The following DLGAP2 variants were observed in gnomAD, a reference collection of about 807,000 sequenced individuals.
The protein encoded by DLGAP2 is disks large-associated protein 2.
In DLGAP2, 26 loss-of-function variants were observed where a neutral mutation model predicts 100.3. The ratio of observed to expected loss-of-function variants is 0.26; its 90% CI spans 0.19 to 0.36. The LOEUF is 0.36. DLGAP2 is among the 10% of genes least tolerant of loss of function. The pLI, the probability that DLGAP2 is intolerant of heterozygous loss-of-function variation, is 1.00. For synonymous variants in DLGAP2, 886 were observed against 630.1 expected (o/e 1.41, Z -6.08); for missense variants, 1,858 against 1,453.2 (o/e 1.28, Z -4.53).
intron 1 of DLGAP2, among the ~76,000 whole-genome samples, chr8:885,118 C>A (rs1334828462): frequency 2.6e-5 from 4 of 152,230 alleles, no homozygotes; most frequent in Non-Finnish European, 5.9e-5. Flanking sequence ...TATATGGGGT[C>A]TTCTTTGATT....
Position 1,033,786 on chromosome 8 carries a change from C to G in DLGAP2, c.73+125820C>G, listed in dbSNP as rs868728087. ...GCGTGTCACCGCGAGTGGGTTCACA[C>G]GCTCATCCCGACCCCGCGTGTCACC... On this transcript the variant is annotated intron_variant, in intron 2 of 14. Transcript: ENST00000637795. 8.7e-3 allele frequency among the ~76,000 whole-genome samples: 1,009 copies of G among 115,640 alleles called. 15 individuals are homozygous for G. Among genetic ancestry groups the G allele is most frequent in the African/African-American group, 0.03 (909 of 29,930 alleles). The allele number at this position is 115,640 out of a possible 152,430, so 75.9% of individuals were successfully genotyped here.
At chr8:1,690,329 C>G (rs1799226059) in intron 12 of DLGAP2, among the ~76,000 whole-genome samples, 1 of 151,634 alleles carries the variant, frequency 6.6e-6, no homozygotes. Flanking sequence ...GCAGTCCAGC[C>G]TAGGTGACAG....
At chr8:831,636 T>C (rs1295310495) in intron 1 of DLGAP2, among the ~76,000 whole-genome samples, 1 of 152,230 alleles carries the variant, frequency 6.6e-6, no homozygotes, top group Non-Finnish European at 1.5e-5. Flanking sequence ...TTGGGTTGGT[T>C]CCAAGTCTTT....
chr8:999,992 C>T (rs1457243935), intron 2 of DLGAP2, among the ~76,000 whole-genome samples: 6 of 145,860 alleles, frequency 4.1e-5, no homozygotes, highest in Middle Eastern at 3.6e-3. Flanking sequence ...TTTTCTTTTG[C>T]ACTGGATTTT....
intron 3 of DLGAP2, among the ~76,000 whole-genome samples, chr8:1,387,428 C>T (rs1053050958): frequency 9.9e-5 from 15 of 152,152 alleles, no homozygotes; most frequent in Non-Finnish European, 1.8e-4. Context: ...GTTTGGCTAC[C>T]TGGAGACACA....
At chr8:1,338,332 G>C (rs1801335202) in intron 3 of DLGAP2, among the ~76,000 whole-genome samples, 1 of 152,226 alleles carries the variant, frequency 6.6e-6, no homozygotes, top group African/African-American at 2.4e-5. Context: ...CCACACGTAT[G>C]ATGGAGCCCA....
chr8:778,800 T>C (rs528557547), intron 1 of DLGAP2, among the ~76,000 whole-genome samples: 45 of 152,330 alleles, frequency 3.0e-4, no homozygotes, highest in South Asian at 1.5e-3. Flanking sequence ...TTTTGTTTGT[T>C]TGTGCCCTGC....
At chr8:1,576,037 C>T (rs1191821776) in intron 6 of DLGAP2, among the ~76,000 whole-genome samples, 1 of 152,150 alleles carries the variant, frequency 6.6e-6, no homozygotes, top group Non-Finnish European at 1.5e-5. Flanking sequence ...CTTGAGGAAT[C>T]GCCACACTGT....
intron 3 of DLGAP2, among the ~76,000 whole-genome samples, chr8:1,391,151 C>A (rs78059256): frequency 0.011 from 1,682 of 152,288 alleles, 37 homozygotes; most frequent in African/African-American, 0.038. Context: ...GATAATGAGA[C>A]CCCGGTTGGC....
chr8:750,377 A>G (rs950226387), intron 1 of DLGAP2, among the ~76,000 whole-genome samples: 2 of 152,244 alleles, frequency 1.3e-5, no homozygotes, highest in African/African-American at 4.8e-5. Context: ...GGATCGATTG[A>G]TCTAATGAAA....
intron 6 of DLGAP2, among the ~76,000 whole-genome samples, chr8:1,584,095 C>A (rs1351899827): frequency 6.6e-6 from 1 of 152,106 alleles, no homozygotes; most frequent in African/African-American, 2.4e-5. Flanking sequence ...AAAGCAAGAG[C>A]TGTCTCATTT....
Position 863,838 on chromosome 8 carries a change from C to T in DLGAP2, c.19-44074C>T, listed in dbSNP as rs192938886. Among the ~76,000 whole-genome samples the T allele has an allele frequency of 2.8e-3, 420 of 152,226 alleles. 2 individuals carry two copies. The highest frequency in any genetic ancestry group is 9.8e-3 in the African/African-American group (405 of 41,526). ...TGGAGGTTTCTCAAAATGCTGTGAT[C>T]CAGCAATCCCACTACTGGCTACAAC... is the stretch of plus-strand genomic sequence containing the variant. On this transcript the variant is annotated intron_variant, in intron 1 of 14. Transcript: ENST00000637795.
chr8:1,261,541 C>G (rs1457052612), intron 3 of DLGAP2, among the ~76,000 whole-genome samples: 2 of 147,678 alleles, frequency 1.4e-5, no homozygotes, highest in South Asian at 2.2e-4. Context: ...TCGGGGGGCT[C>G]TCCAGCCGAG....
chr8:1,313,072 G>C (rs1237431828), intron 3 of DLGAP2, among the ~76,000 whole-genome samples: 2 of 152,236 alleles, frequency 1.3e-5, no homozygotes, highest in Non-Finnish European at 1.5e-5. Flanking sequence ...GTGCTGACTG[G>C]TGTGTGCCGG....
intron 1 of DLGAP2, among the ~76,000 whole-genome samples, chr8:779,467 C>T (rs1440870566): frequency 7.0e-6 from 1 of 142,216 alleles, no homozygotes. Context: ...TTCTTTCTTT[C>T]TTTTTTTTTT....
intron 4 of DLGAP2, among the ~76,000 whole-genome samples, chr8:1,519,628 C>A (rs971686764): frequency 6.6e-6 from 1 of 152,232 alleles, no homozygotes; most frequent in African/African-American, 2.4e-5. Context: ...CCCATGGACA[C>A]CACCTCTTGC....
At chr8:1,011,100 T>G (rs983074832) in intron 2 of DLGAP2, among the ~76,000 whole-genome samples, 1 of 150,420 alleles carries the variant, frequency 6.6e-6, no homozygotes, top group African/African-American at 2.5e-5. Flanking sequence ...ATGAGGTACC[T>G]TAGTCTGCAC....
chr8:1,063,872 G>C (rs1803164314), intron 2 of DLGAP2, among the ~76,000 whole-genome samples: 1 of 152,154 alleles, frequency 6.6e-6, no homozygotes, highest in South Asian at 2.1e-4. Context: ...CCTTTAATTT[G>C]CTCATGAAGC....
intron 2 of DLGAP2, among the ~76,000 whole-genome samples, chr8:1,116,434 G>A (rs557062711): frequency 1.3e-5 from 2 of 152,242 alleles, no homozygotes; most frequent in East Asian, 1.9e-4. Context: ...AGGCATTGAG[G>A]GTTTTCTTAT....
Sources: allele counts gnomAD v4.1 joint callset (sites outside exome capture counted in the v4.1 genomes callset), GRCh38; gene constraint gnomAD v4.1.1; transcripts MANE v1.5; gene names NCBI Gene and HGNC (gene_info 2026-07-23, HGNC 2026-07-21).